The following RABGAP1L variants were observed in gnomAD, a reference collection of about 807,000 sequenced individuals.
RABGAP1L encodes rab GTPase-activating protein 1-like.
In RABGAP1L, 63 loss-of-function variants were observed where a neutral mutation model predicts 137.7. The ratio of observed to expected loss-of-function variants is 0.46; its 90% CI spans 0.37 to 0.56. The LOEUF (loss-of-function observed/expected upper bound fraction) is 0.56. Among genes scored for constraint, RABGAP1L ranks in the 20% least tolerant of loss-of-function variants. The pLI is 0.00. For synonymous variants in RABGAP1L, 431 were observed against 433.7 expected (o/e 0.99, Z 0.08); for missense variants, 1,095 against 1,244.0 (o/e 0.88, Z 1.80).
intron 11 of RABGAP1L, among the ~76,000 whole-genome samples, chr1:174,343,450 T>A (rs1301803824): frequency 6.6e-6 from 1 of 152,190 alleles, no homozygotes; most frequent in Non-Finnish European, 1.5e-5. Context: ...CAGTAGATAT[T>A]ATGTCTTTTC....
intron 13 of RABGAP1L, among the ~76,000 whole-genome samples, chr1:174,577,062 A>C (rs1023744681): frequency 2.0e-5 from 3 of 152,128 alleles, no homozygotes; most frequent in African/African-American, 7.2e-5. Flanking sequence ...ATGCACCTAT[A>C]GTCCTAGCTA....
chr1:174,973,695 T>G (rs959924483), intron 21 of RABGAP1L, among the ~76,000 whole-genome samples: 25 of 152,064 alleles, frequency 1.6e-4, no homozygotes, highest in Non-Finnish European at 2.4e-4. Context: ...AGCATTTACT[T>G]TAAAACATTT....
Position 174,969,309 on chromosome 1 carries a change from G to C in RABGAP1L, c.2466G>C (p.Met822Ile). ...RENRRLQEASMRLEQENDDLA... is the reference protein window; with the variant it reads ...RENRRLQEASIRLEQENDDLA... ...ACCGAAGATTACAGGAGGCCAGCATGAGGTTGGAACAAGAGAATGATGACC... is the reference window on the plus strand; with the variant it reads ...ACCGAAGATTACAGGAGGCCAGCATCAGGTTGGAACAAGAGAATGATGACC... Residue 822 changes from methionine to isoleucine, a missense_variant, in exon 21 of 26, where the codon ATG (methionine) becomes ATC (isoleucine). Around this residue, in one of 4 missense-constraint regions of RABGAP1L, gnomAD observed 312 missense variants for 435.6 expected, o/e 0.72. Transcript: ENST00000681986. The C allele has an allele frequency of 6.4e-7, 1 of 1,550,892 alleles. No homozygotes were observed. Among genetic ancestry groups the C allele is most frequent in the Non-Finnish European group, 8.7e-7 (1 of 1,147,030 alleles).
intron 18 of RABGAP1L, among the ~76,000 whole-genome samples, chr1:174,793,979 G>A (rs1011132011): frequency 6.6e-6 from 1 of 152,180 alleles, no homozygotes; most frequent in African/African-American, 2.4e-5. Context: ...TTACAGGTGT[G>A]AGCCACCATG....
At chr1:174,420,876 C>T (rs968427274) in intron 13 of RABGAP1L, among the ~76,000 whole-genome samples, 15 of 152,132 alleles carry the variant, frequency 9.9e-5, no homozygotes, top group Admixed American at 8.5e-4. Context: ...GGGGTTTCAC[C>T]GTGTTCGCCA....
intron 1 of RABGAP1L, among the ~76,000 whole-genome samples, chr1:174,195,722 T>TC (rs1667591152): frequency 1.2e-5 from 1 of 80,002 alleles, no homozygotes; most frequent in South Asian, 3.6e-4. Context: ...CTTTTCTTTC[T>TC]TTTCTTTCTT....
In RABGAP1L at chr1:174,973,991, T is replaced by G. The variant is rs1020153640; in HGVS notation, c.2545-2087T>G. 4.5e-4 allele frequency among the ~76,000 whole-genome samples: 63 copies of G among 140,374 alleles called. 1 individual carries two copies. The highest frequency in any genetic ancestry group is 1.1e-3 in the Admixed American group (15 of 14,176). 92.1% of individuals were successfully genotyped at this position (140,374 alleles called of 152,430 possible). On this transcript the variant is annotated intron_variant, in intron 21 of 25. Coordinates refer to ENST00000681986, the MANE Select transcript of RABGAP1L (RefSeq NM_001366446.1). ...ACAATTGTTTTTTGTTTTTTTTTTT[T>G]TTTTTTTTTTTTTTTGAGACGGAGT... is the stretch of plus-strand genomic sequence containing the variant.
chr1:174,350,229 G>A (rs1183899415), intron 11 of RABGAP1L, among the ~76,000 whole-genome samples: 3 of 138,092 alleles, frequency 2.2e-5, no homozygotes, highest in Non-Finnish European at 3.2e-5. Context: ...TGGCTGCCGG[G>A]CGGAGACGCT....
intron 18 of RABGAP1L, among the ~76,000 whole-genome samples, chr1:174,804,280 TG>T (rs1689049273): frequency 6.7e-6 from 1 of 150,168 alleles, no homozygotes; most frequent in African/African-American, 2.4e-5. Flanking sequence ...TTTTGTTTTT[TG>T]TTTTTTTTTT....
intron 13 of RABGAP1L, among the ~76,000 whole-genome samples, chr1:174,574,032 G>C (rs987178063): frequency 7.2e-5 from 11 of 152,218 alleles, no homozygotes; most frequent in African/African-American, 2.7e-4. Flanking sequence ...TGAGAATGCT[G>C]ATTAACATAC....
In RABGAP1L at chr1:174,828,721, C is replaced by T. The variant is rs550732150; in HGVS notation, c.2340+16761C>T. ...TGTTGTAGCTATGTAGTCAAGCAAA[C>T]TCCTATTTACCCTTTAGGTTGCAGG... is the stretch of plus-strand genomic sequence containing the variant. On this transcript the variant is annotated intron_variant, in intron 19 of 25. Transcript: ENST00000681986. Among the ~76,000 whole-genome samples, 4 of 148,314 alleles carry T rather than the reference C, an allele frequency of 2.7e-5. 1 individual carries two copies. The highest frequency in any genetic ancestry group is 6.0e-5 in the Non-Finnish European group (4 of 66,656).
chr1:174,992,978 T>C lies in RABGAP1L; in HGVS notation c.*2977T>C, dbSNP rs1295557386. ...ATCTAATATTTGCAGTATCTAAGAATTGATCATTTCTATTTTCATTAAATT... is the reference window on the plus strand; with the variant it reads ...ATCTAATATTTGCAGTATCTAAGAACTGATCATTTCTATTTTCATTAAATT... On this transcript the variant is annotated 3_prime_UTR_variant, in exon 26 of 26. Coordinates refer to ENST00000681986, the MANE Select transcript of RABGAP1L (RefSeq NM_001366446.1). The C allele has an allele frequency of 3.3e-5, 5 of 152,216 alleles. No individual in the cohort carries two copies. Among genetic ancestry groups the C allele is most frequent in the African/African-American group, 1.2e-4 (5 of 41,462 alleles). The allele number at this position is 152,216 out of a possible 1,614,324, so 9.4% of individuals were successfully genotyped here.
intron 13 of RABGAP1L, among the ~76,000 whole-genome samples, chr1:174,636,214 A>G (rs116546782): frequency 0.017 from 2,608 of 152,308 alleles, 65 homozygotes; most frequent in African/African-American, 0.06. Flanking sequence ...TTTGTCTTCA[A>G]CAAATATCTA....
chr1:174,695,833 C>T (rs1016584270), intron 15 of RABGAP1L, among the ~76,000 whole-genome samples: 1 of 152,220 alleles, frequency 6.6e-6, no homozygotes, highest in Admixed American at 6.5e-5. Context: ...ATGCCCCAAG[C>T]CAAATAATGC....
intron 10 of RABGAP1L, among the ~76,000 whole-genome samples, chr1:174,289,934 G>A (rs1444646230): frequency 1.3e-5 from 2 of 152,104 alleles, no homozygotes; most frequent in Non-Finnish European, 2.9e-5. Context: ...GATACTGATT[G>A]GACTCCCTGA....
At chr1:174,176,971 G>A (rs962817611) in intron 1 of RABGAP1L, among the ~76,000 whole-genome samples, 6 of 152,090 alleles carry the variant, frequency 3.9e-5, no homozygotes, top group African/African-American at 1.4e-4. Flanking sequence ...AGCTACTCGG[G>A]AGGCTGAAGA....
intron 13 of RABGAP1L, among the ~76,000 whole-genome samples, chr1:174,597,763 C>A (rs183192586): frequency 1.3e-5 from 2 of 151,922 alleles, no homozygotes; most frequent in African/African-American, 4.8e-5. Context: ...TTTCTTTGTT[C>A]TACATTTTAA....
chr1:174,869,738 G>T (rs899928169), intron 19 of RABGAP1L, among the ~76,000 whole-genome samples: 18 of 152,172 alleles, frequency 1.2e-4, no homozygotes, highest in Admixed American at 1.2e-3. Context: ...CGGGATCTTT[G>T]ACTGGTGATT....
intron 10 of RABGAP1L, among the ~76,000 whole-genome samples, chr1:174,286,983 G>T (rs914871754): frequency 1.3e-5 from 2 of 152,034 alleles, no homozygotes; most frequent in African/African-American, 4.8e-5. Context: ...TTCTGTGTGT[G>T]TGTGACAAGA....
Sources: allele counts gnomAD v4.1 joint callset (sites outside exome capture counted in the v4.1 genomes callset), GRCh38; gene constraint gnomAD v4.1.1; regional missense constraint gnomAD v4.1.1; transcripts MANE v1.5; gene names NCBI Gene and HGNC (gene_info 2026-07-23, HGNC 2026-07-21).